Variants in CCDC3 observed in about 807,000 individuals in gnomAD.
The protein encoded by CCDC3 is coiled-coil domain-containing protein 3.
In CCDC3, 24 loss-of-function variants were observed where a neutral mutation model predicts 21.4. The observed-to-expected ratio is 1.12, with a 90% CI of 0.81 to 1.58. CCDC3 has a LOEUF of 1.58. Ranked by LOEUF, CCDC3 falls within the 40% of genes most tolerant of loss-of-function variation. The pLI is 0.00. For missense variants in CCDC3, 425 were observed against 360.9 expected (o/e 1.18, Z -1.44); for synonymous variants, 186 against 166.0 (o/e 1.12, Z -0.93).
At chr10:12,942,114 C>G (rs1834841632) in intron 2 of CCDC3, among the ~76,000 whole-genome samples, 1 of 152,128 alleles carries the variant, frequency 6.6e-6, no homozygotes. Flanking sequence ...AACCTTACAG[C>G]TAGCCCTTTG....
chr10:12,911,617 A>G (rs1470278155), intron 2 of CCDC3, among the ~76,000 whole-genome samples: 1 of 152,250 alleles, frequency 6.6e-6, no homozygotes, highest in Non-Finnish European at 1.5e-5. Flanking sequence ...ATATGTGTAC[A>G]CTGACATGGC....
At chr10:13,096,312 T>C (rs1240627974) in intron 3 of CCDC3, among the ~76,000 whole-genome samples, 5 of 152,070 alleles carry the variant, frequency 3.3e-5, no homozygotes, top group Non-Finnish European at 7.4e-5. Context: ...GCCTCTCAAG[T>C]AGCTGAGATT....
intron 2 of CCDC3, among the ~76,000 whole-genome samples, chr10:12,984,153 T>C (rs1430904332): frequency 6.6e-6 from 1 of 152,110 alleles, no homozygotes; most frequent in African/African-American, 2.4e-5. Context: ...GTACAAATCA[T>C]ACATGTGATA....
intron 2 of CCDC3, among the ~76,000 whole-genome samples, chr10:12,937,037 G>T (rs1228933922): frequency 6.6e-6 from 1 of 152,158 alleles, no homozygotes; most frequent in Admixed American, 6.5e-5. Flanking sequence ...GTAGGACCTG[G>T]TAGAGCTTCT....
At position 12,910,175 on chromosome 10, in the gene CCDC3, G is replaced by A. The variant is rs964329726; in HGVS notation, c.550-11496C>T. On this transcript the variant is annotated intron_variant, in intron 2 of 2. Coordinates refer to ENST00000378825, the MANE Select transcript of CCDC3 (RefSeq NM_031455.4). The stretch of plus-strand genomic sequence containing the variant: ...TTCTGCTACTGAACCAAGACAGGTG[G>A]CCCTGGAGTTGAGATAGCCCTAGAG... 2.6e-5 allele frequency among the ~76,000 whole-genome samples: 4 copies of A among 152,200 alleles called. No homozygotes were observed. In the South Asian group the frequency reaches 6.2e-4, roughly 24 times the overall value.
intron 2 of CCDC3, among the ~76,000 whole-genome samples, chr10:12,970,672 G>A (rs201316380): frequency 6.6e-6 from 1 of 152,240 alleles, no homozygotes; most frequent in East Asian, 1.9e-4. Context: ...GATCACCTGA[G>A]GCCAAGAGTT....
At chr10:13,000,716 T>G (rs1835834223) in intron 1 of CCDC3, among the ~76,000 whole-genome samples, 1 of 152,174 alleles carries the variant, frequency 6.6e-6, no homozygotes, top group African/African-American at 2.4e-5. Context: ...CGTTCCTCAC[T>G]CAACCAGCCC....
At chr10:12,944,106 CAG>C (rs1018792249) in intron 2 of CCDC3, among the ~76,000 whole-genome samples, 1 of 152,158 alleles carries the variant, frequency 6.6e-6, no homozygotes, top group African/African-American at 2.4e-5. Flanking sequence ...TACCACATGA[CAG>C]ATAACAGGCC....
chr10:13,022,517 G>C (rs563181), intron 5 of CCDC3, among the ~76,000 whole-genome samples: 122,275 of 152,012 alleles, frequency 0.8, 50,024 homozygotes, highest in Non-Finnish European at 0.87. Flanking sequence ...TATTAGGTTG[G>C]TGCAAAAATA....
chr10:12,980,097 T>C (rs1835473298), intron 2 of CCDC3, among the ~76,000 whole-genome samples: 1 of 152,222 alleles, frequency 6.6e-6, no homozygotes, highest in African/African-American at 2.4e-5. Context: ...CCCGGGTCCC[T>C]TTCAGTCCTG....
chr10:13,088,954 G>A (rs1025333601), intron 3 of CCDC3, among the ~76,000 whole-genome samples: 5 of 151,492 alleles, frequency 3.3e-5, no homozygotes, highest in African/African-American at 1.2e-4. Context: ...AGGTTGTAGT[G>A]AGCTAAGATC....
intron 5 of CCDC3, among the ~76,000 whole-genome samples, chr10:13,033,368 G>T (rs1056480086): frequency 6.6e-6 from 1 of 152,124 alleles, no homozygotes; most frequent in Non-Finnish European, 1.5e-5. Flanking sequence ...TTAAATGTTA[G>T]GCCTGAAACC....
At chr10:13,078,590 A>C (rs369267641) in intron 3 of CCDC3, among the ~76,000 whole-genome samples, 1 of 152,294 alleles carries the variant, frequency 6.6e-6, no homozygotes, top group South Asian at 2.1e-4. Flanking sequence ...ATTCACAATA[A>C]CAAAGACTTG....
At chr10:12,904,079 C>A (rs182919516) in intron 2 of CCDC3, among the ~76,000 whole-genome samples, 1 of 152,038 alleles carries the variant, frequency 6.6e-6, no homozygotes, top group Non-Finnish European at 1.5e-5. Flanking sequence ...TTCCAGTCAT[C>A]GGTCTGTACA....
upstream of CCDC3, among the ~76,000 whole-genome samples, chr10:13,002,466 C>T (rs984019774): frequency 1.3e-5 from 2 of 152,156 alleles, no homozygotes; most frequent in Non-Finnish European, 2.9e-5. Flanking sequence ...GGGCTCACTG[C>T]AGCCTCGACC....
At chr10:12,994,208 G>A (rs1835722055) in intron 2 of CCDC3, among the ~76,000 whole-genome samples, 1 of 152,088 alleles carries the variant, frequency 6.6e-6, no homozygotes, top group African/African-American at 2.4e-5. Flanking sequence ...GACCAGCCTG[G>A]CCAACATGGT....
intron 2 of CCDC3, among the ~76,000 whole-genome samples, chr10:12,978,904 C>T (rs1243801844): frequency 6.6e-6 from 1 of 152,186 alleles, no homozygotes. Context: ...CAGGACCCCA[C>T]ACTCATTATG....
At position 13,008,438 on chromosome 10, in the gene CCDC3, G is replaced by A. The variant is rs147268884; in HGVS notation, c.-1-9926C>T. Among the ~76,000 whole-genome samples, 255 of 152,322 alleles carry A rather than the reference G, an allele frequency of 1.7e-3. 2 individuals are homozygous for A. The highest frequency in any genetic ancestry group is 6.0e-3 in the African/African-American group (248 of 41,576). ...GTGCGGTGAATGCCAGACTCCAAGT[G>A]TGATGTGGAAGGCATGGCATGAGCT... On this transcript the variant is annotated intron_variant, in intron 5 of 6. Transcript: ENST00000378839.
intron 2 of CCDC3, among the ~76,000 whole-genome samples, chr10:12,939,903 ATTCTAAGAAT>A (rs986293539): frequency 6.6e-5 from 10 of 152,340 alleles, no homozygotes; most frequent in African/African-American, 2.2e-4. Context: ...CACTTGGCTA[ATTCTAAGAAT>A]TTTCTGAATT....
Sources: gnomAD v4.1 joint callset for allele counts (sites outside exome capture counted in the v4.1 genomes callset) on GRCh38, gnomAD v4.1.1 for gene constraint, MANE v1.5 for transcripts, NCBI Gene and HGNC (gene_info 2026-07-23, HGNC 2026-07-21) for gene names.